DNM1: variants seen among roughly 807,000 people sequenced by gnomAD.
DNM1 encodes the protein dynamin-1.
Under a neutral mutation model 104.6 loss-of-function variants are expected in DNM1, and 29 were observed. The ratio of observed to expected loss-of-function variants is 0.28; its 90% CI spans 0.21 to 0.38. The LOEUF (loss-of-function observed/expected upper bound fraction) is 0.38, where lower values mean the gene tolerates loss of function less well. Ranked by LOEUF, DNM1 falls within the 10% of genes least tolerant of loss-of-function variation. The pLI is 1.00. For synonymous variants in DNM1, 445 were observed against 475.8 expected, an observed-to-expected ratio of 0.94 and a Z score of 0.84; for missense variants, 640 against 1,189.4, an observed-to-expected ratio of 0.54 and a Z score of 6.79.
At chr9:128,212,888 G>A (rs769785886) in intron 1 of DNM1, among the ~76,000 whole-genome samples, 4 of 152,106 alleles carry the variant, frequency 2.6e-5, no homozygotes, top group Non-Finnish European at 5.9e-5. Context: ...GGATATTTCC[G>A]TCACCCTAAA....
Position 128,243,875 on chromosome 9 carries a change from C to T in DNM1, c.1671+1530C>T, listed in dbSNP as rs1018410603. On this transcript the variant is annotated intron_variant, in intron 15 of 21. Coordinates refer to ENST00000372923, the MANE Select transcript of DNM1 (RefSeq NM_004408.4). This position sits in a 1 kb window ranked among gnomAD's most constrained non-coding sequence, Gnocchi z 4.0. The stretch of plus-strand genomic sequence containing the variant: ...AGTTAAGTCGTGTGCGAAAACAGCT[C>T]TGAGAATCATATGTGGGGAGATGGG... Among the ~76,000 whole-genome samples, 9 of 151,994 alleles carry T rather than the reference C, an allele frequency of 5.9e-5. No homozygotes were observed. The East Asian group carries it at 1.7e-3, about 29-fold the overall frequency.
Position 128,252,197 on chromosome 9 carries a change from G to A in DNM1, c.2534+1257G>A, listed in dbSNP as rs150054644. On this transcript the variant is annotated intron_variant, in intron 21 of 21. Transcript: ENST00000372923. The stretch of plus-strand genomic sequence containing the variant: ...TGGCTATAGGGATGCTGTGTTAACT[G>A]CAGATGCAGCCGTAGGAGCACTTTG... 1.5e-3 allele frequency: 358 copies of A among 243,610 alleles called. 1 individual carries two copies. Among genetic ancestry groups the A allele is most frequent in the African/African-American group, 7.7e-3 (333 of 43,290 alleles). 15.1% of individuals were successfully genotyped at this position (243,610 alleles called of 1,614,324 possible).
At chr9:128,225,941 C>A (rs1216525600) in intron 10 of DNM1, 1 of 1,168,290 alleles carries the variant, frequency 8.6e-7, no homozygotes, top group Non-Finnish European at 1.3e-6. Flanking sequence ...ATCCTCTCCA[C>A]CCCTGGATTC....
Position 128,247,999 on chromosome 9 carries a change from T to C in DNM1, c.1905+64T>C, listed in dbSNP as rs1836932426. On this transcript the variant is annotated intron_variant, in intron 18 of 21. Coordinates refer to ENST00000372923, the MANE Select transcript of DNM1 (RefSeq NM_004408.4). This position sits in a 1 kb window ranked among gnomAD's most constrained non-coding sequence, Gnocchi z 5.1. The stretch of plus-strand genomic sequence containing the variant: ...CAGCCTGGCACCAGCTCCAGCCAGG[T>C]TTTCAAGCAAGGGACCTGGAGATGT... 1 of 1,607,968 alleles carries C rather than the reference T, an allele frequency of 6.2e-7. No individual in the cohort carries two copies. Among genetic ancestry groups the C allele is most frequent in the South Asian group, 1.1e-5 (1 of 90,940 alleles).
chr9:128,248,594 CGAG>C lies in DNM1; in HGVS notation c.1921_1923del (p.Glu641del), dbSNP rs748362979. On this transcript the variant is annotated inframe_deletion, in exon 19 of 22. Coordinates refer to ENST00000372923, the MANE Select transcript of DNM1 (RefSeq NM_004408.4). This position sits in a 1 kb window ranked among gnomAD's most constrained non-coding sequence, Gnocchi z 5.6. ...GTTCTCCATGGCAGGCCAGCGAGAC[CGAG>C]GAGAATGGCTCCGACAGCTTCATGC... 4.3e-6 allele frequency: 7 copies of C among 1,613,538 alleles called. No homozygotes were observed. The African/African-American group carries it at 8.0e-5, about 18-fold the overall frequency.
At chr9:128,231,366 T>TA (rs1835683525) in intron 10 of DNM1, among the ~76,000 whole-genome samples, 1 of 151,888 alleles carries the variant, frequency 6.6e-6, no homozygotes, top group Non-Finnish European at 1.5e-5. Context: ...CACGCCCGGC[T>TA]ACTTTTGTAT....
chr9:128,223,412 T>C (rs2131177769), intron 9 of DNM1: 1 of 153,970 alleles, frequency 6.5e-6, no homozygotes, highest in Non-Finnish European at 1.4e-5. Flanking sequence ...GACCCAGATC[T>C]ATGCTGTGTT....
chr9:128,236,930 C>G (rs543833526), intron 11 of DNM1, among the ~76,000 whole-genome samples: 3 of 152,360 alleles, frequency 2.0e-5, no homozygotes, highest in Non-Finnish European at 2.9e-5. Context: ...CACACACAAA[C>G]ACACACAATC....
intron 1 of DNM1, among the ~76,000 whole-genome samples, chr9:128,214,919 G>T (rs1048357143): frequency 6.6e-6 from 1 of 152,228 alleles, no homozygotes; most frequent in African/African-American, 2.4e-5. Context: ...ATCCCCACTG[G>T]GGAGAAGGAG....
In DNM1 at chr9:128,224,477, T is replaced by C; in HGVS notation, c.1335+88T>C. On this transcript the variant is annotated intron_variant, in intron 10 of 21. Coordinates refer to ENST00000372923, the MANE Select transcript of DNM1 (RefSeq NM_004408.4). The surrounding 1 kb of genome is among the most constrained non-coding windows in gnomAD (Gnocchi z 4.3). ...CTCCTTCCCCATGTCCCCCCCTGCC[T>C]CCTCGGTAGCATGTACAGACCTCAG... 1.5e-6 allele frequency: 2 copies of C among 1,358,638 alleles called. No individual in the cohort carries two copies. Among genetic ancestry groups the C allele is most frequent in the Admixed American group, 1.9e-5 (1 of 51,914 alleles). The allele number at this position is 1,358,638 out of a possible 1,614,324, so 84.2% of individuals were successfully genotyped here. A position where few individuals can be genotyped will look rare whatever the true frequency, so the allele number is the denominator to read the frequency against.
chr9:128,248,277 C>T lies in DNM1; in HGVS notation c.1906-306C>T, dbSNP rs1265814580. ...AGGAGGAGGTTGCAATGAGCCAATA[C>T]AGCACCACTGCACTCCAGCCTGGGT... On this transcript the variant is annotated intron_variant, in intron 18 of 21. Coordinates refer to ENST00000372923, the MANE Select transcript of DNM1 (RefSeq NM_004408.4). The surrounding 1 kb of genome is among the most constrained non-coding windows in gnomAD (Gnocchi z 5.6). 1.2e-5 allele frequency: 6 copies of T among 499,584 alleles called. No individual in the cohort carries two copies. The highest frequency in any genetic ancestry group is 2.2e-5 in the Non-Finnish European group (6 of 277,478). The allele number at this position is 499,584 out of a possible 1,614,324, so 30.9% of individuals were successfully genotyped here.
At chr9:128,231,919 C>T in intron 10 of DNM1, 2 of 440,604 alleles carry the variant, frequency 4.5e-6, no homozygotes, top group Non-Finnish European at 9.1e-6. Context: ...TGACTGCTAA[C>T]CCGGTGGGCT....
In DNM1 at chr9:128,239,567, CGTGTGTGTGTGTGT is replaced by C. The variant is rs34036148; in HGVS notation, c.1493+89_1493+102del. The C allele has an allele frequency of 1.0e-3, 884 of 882,408 alleles. 3 individuals carry two copies. The highest frequency in any genetic ancestry group is 8.1e-3 in the African/African-American group (422 of 52,080). 54.7% of individuals were successfully genotyped at this position (882,408 alleles called of 1,614,324 possible). On this transcript the variant is annotated intron_variant, in intron 12 of 21. Coordinates refer to ENST00000372923, the MANE Select transcript of DNM1 (RefSeq NM_004408.4). ...AGTGCTCCCTGGGCAGAGAAGGTAA[CGTGTGTGTGTGTGT>C]GTGTGTGTGTGTGTGTGTGTGTGTG...
intron 20 of DNM1, 89 bp downstream of exon 20, chr9:128,250,445 C>T: frequency 2.9e-6 from 4 of 1,368,370 alleles, no homozygotes; most frequent in Non-Finnish European, 1.9e-6. Context: ...GCGCCCGCGT[C>T]ACCGGGGTGG....
chr9:128,233,671 C>T (rs896775717), intron 10 of DNM1: 5 of 306,542 alleles, frequency 1.6e-5, no homozygotes, highest in East Asian at 8.6e-5. Flanking sequence ...TGGGAGCTAA[C>T]GGTCCCCAGA....
intron 10 of DNM1, 70 bp from the exon 11 acceptor site, chr9:128,233,951 C>A: frequency 7.2e-7 from 1 of 1,389,856 alleles, no homozygotes; most frequent in Non-Finnish European, 1.0e-6. Flanking sequence ...TCCCTGGACT[C>A]GTGGGGTGTG....
intron 10 of DNM1, among the ~76,000 whole-genome samples, chr9:128,230,520 G>T (rs181580231): frequency 2.0e-4 from 30 of 150,080 alleles, no homozygotes; most frequent in Non-Finnish European, 3.4e-4. Flanking sequence ...GCGCAATCTC[G>T]GCTCACTGCA....
At chr9:128,232,034 A>G in intron 10 of DNM1, 1 of 456,654 alleles carries the variant, frequency 2.2e-6, no homozygotes. Context: ...ATGGAAAAAG[A>G]TGCTCAAAGG....
chr9:128,212,371 A>G (rs1834352543), intron 1 of DNM1, among the ~76,000 whole-genome samples: 1 of 152,134 alleles, frequency 6.6e-6, no homozygotes, highest in African/African-American at 2.4e-5. Context: ...GCTACTTCGG[A>G]GATTGAGGTG....
Sources: allele counts gnomAD v4.1 joint callset (sites outside exome capture counted in the v4.1 genomes callset), GRCh38; gene constraint gnomAD v4.1.1; non-coding constraint Gnocchi (gnomAD v3.1); transcripts MANE v1.5; gene names NCBI Gene and HGNC (gene_info 2026-07-23, HGNC 2026-07-21).